CNBD1: variants seen among roughly 807,000 people sequenced by gnomAD.
CNBD1 encodes cyclic nucleotide binding domain containing 1.
In CNBD1, 71 loss-of-function variants were observed where a neutral mutation model predicts 54.4. The observed-to-expected ratio is 1.30, with a 90% CI of 1.08 to 1.59. The LOEUF (loss-of-function observed/expected upper bound fraction) is 1.59. Among genes scored for constraint, CNBD1 ranks in the 40% most tolerant of loss-of-function variants. The pLI, the probability that CNBD1 is intolerant of heterozygous loss-of-function variation, is 0.00. For synonymous variants in CNBD1, 182 were observed against 170.7 expected (o/e 1.07, Z -0.51); for missense variants, 659 against 518.0 (o/e 1.27, Z -2.64).
At chr8:87,095,158 G>A (rs1266352542) in intron 4 of CNBD1, among the ~76,000 whole-genome samples, 1 of 152,178 alleles carries the variant, frequency 6.6e-6, no homozygotes, top group African/African-American at 2.4e-5. Flanking sequence ...TTAAAGCAAG[G>A]TTAATTACGT....
intron 2 of CNBD1, among the ~76,000 whole-genome samples, chr8:87,419,127 A>G (rs563804296): frequency 8.0e-4 from 122 of 152,058 alleles, no homozygotes; most frequent in Admixed American, 3.1e-3. Flanking sequence ...ATAAAAATTA[A>G]TGAAGTACTG....
At chr8:87,225,474 C>CT (rs1299463927) in intron 5 of CNBD1, among the ~76,000 whole-genome samples, 59 of 150,632 alleles carry the variant, frequency 3.9e-4, no homozygotes, top group Admixed American at 1.5e-3. Context: ...TGTCAAAGGC[C>CT]TTTTCTGCAT....
At chr8:87,110,739 G>C (rs1257517038) in intron 4 of CNBD1, among the ~76,000 whole-genome samples, 1 of 152,220 alleles carries the variant, frequency 6.6e-6, no homozygotes, top group East Asian at 1.9e-4. Context: ...GTTCCTTTTA[G>C]ACTATCTTGT....
chr8:87,170,465 A>G (rs889702798), intron 4 of CNBD1, among the ~76,000 whole-genome samples: 2 of 152,168 alleles, frequency 1.3e-5, no homozygotes, highest in Non-Finnish European at 2.9e-5. Context: ...GTTGAAAAAC[A>G]GTGGTGAAAG....
intron 8 of CNBD1, among the ~76,000 whole-genome samples, chr8:87,303,413 C>G (rs1004249824): frequency 6.6e-6 from 1 of 151,702 alleles, no homozygotes; most frequent in Non-Finnish European, 1.5e-5. Context: ...ATAAATGGTG[C>G]TGGGAAAACT....
chr8:87,345,778 A>C (rs1196438759), intron 8 of CNBD1, among the ~76,000 whole-genome samples: 1 of 152,130 alleles, frequency 6.6e-6, no homozygotes, highest in Admixed American at 6.6e-5. Context: ...CACCAAAACT[A>C]GTTGTGATTT....
intron 4 of CNBD1, among the ~76,000 whole-genome samples, chr8:87,006,577 C>T (rs2462514): frequency 0.81 from 123,833 of 151,966 alleles, 50,730 homozygotes; most frequent in East Asian, 0.95. Flanking sequence ...TCCTCATGGT[C>T]AAAGCAGGAG....
intron 6 of CNBD1, among the ~76,000 whole-genome samples, chr8:87,255,992 TATATATATATATATATATATA>T (rs1373623444): frequency 3.0e-4 from 4 of 13,154 alleles, no homozygotes; most frequent in African/African-American, 1.4e-3. Context: ...TATATATATA[TATATATATATATATATATATA>T]TATTTTTTTT....
At chr8:87,428,390 G>A (rs1808086425) in intron 2 of CNBD1, among the ~76,000 whole-genome samples, 1 of 152,080 alleles carries the variant, frequency 6.6e-6, no homozygotes, top group African/African-American at 2.4e-5. Context: ...CTGGTTGTCT[G>A]AACTTAGAAG....
intron 4 of CNBD1, among the ~76,000 whole-genome samples, chr8:87,081,386 G>T (rs1449971174): frequency 6.6e-6 from 1 of 151,938 alleles, no homozygotes. Context: ...TGTTTTTTCA[G>T]AATTTTGTTT....
chr8:87,155,762 A>G (rs1037396256), intron 4 of CNBD1, among the ~76,000 whole-genome samples: 7 of 152,202 alleles, frequency 4.6e-5, no homozygotes, highest in Non-Finnish European at 1.0e-4. Flanking sequence ...CAGACATGGC[A>G]GTTGTTGATT....
intron 4 of CNBD1, among the ~76,000 whole-genome samples, chr8:87,008,525 T>C (rs1443391182): frequency 6.6e-6 from 1 of 152,212 alleles, no homozygotes; most frequent in Admixed American, 6.5e-5. Context: ...TGGGGTTTAC[T>C]TTTAATGCAT....
chr8:87,229,893 C>G (rs1457008479), intron 5 of CNBD1, among the ~76,000 whole-genome samples: 1 of 152,178 alleles, frequency 6.6e-6, no homozygotes, highest in South Asian at 2.1e-4. Context: ...TTTCTGAACT[C>G]TCTTACAAAT....
intron 6 of CNBD1, among the ~76,000 whole-genome samples, chr8:87,271,872 A>G (rs1481057602): frequency 6.6e-6 from 1 of 151,560 alleles, no homozygotes; most frequent in Non-Finnish European, 1.5e-5. Context: ...CCATCAATGG[A>G]TGAATGAATA....
chr8:87,107,745 T>C (rs1188581440), intron 4 of CNBD1, among the ~76,000 whole-genome samples: 2 of 152,216 alleles, frequency 1.3e-5, no homozygotes, highest in Non-Finnish European at 2.9e-5. Flanking sequence ...ATGTATGCTG[T>C]GGCATTAGCT....
intron 4 of CNBD1, among the ~76,000 whole-genome samples, chr8:87,202,066 A>G (rs1412296195): frequency 1.3e-5 from 2 of 152,252 alleles, no homozygotes; most frequent in African/African-American, 4.8e-5. Flanking sequence ...AGGCAAATAT[A>G]TAAGCCAAGA....
intron 3 of CNBD1, among the ~76,000 whole-genome samples, chr8:86,926,289 G>T (rs887774575): frequency 6.6e-6 from 1 of 152,094 alleles, no homozygotes; most frequent in Non-Finnish European, 1.5e-5. Flanking sequence ...TGAAGAAGGG[G>T]CCCTGCAGTT....
chr8:86,871,783 C>A (rs1696526034), intron 1 of CNBD1, among the ~76,000 whole-genome samples: 1 of 152,178 alleles, frequency 6.6e-6, no homozygotes, highest in South Asian at 2.1e-4. Flanking sequence ...CCCCAGATGC[C>A]TAGGCTGCAT....
intron 3 of CNBD1, among the ~76,000 whole-genome samples, chr8:86,920,899 C>T (rs1363066770): frequency 6.6e-6 from 1 of 151,738 alleles, no homozygotes; most frequent in Non-Finnish European, 1.5e-5. Context: ...TTCCCAAACA[C>T]ATTTTAAGAC....
Sources: allele counts gnomAD v4.1 joint callset (sites outside exome capture counted in the v4.1 genomes callset), GRCh38; gene constraint gnomAD v4.1.1; transcripts MANE v1.5; gene names NCBI Gene and HGNC (gene_info 2026-07-23, HGNC 2026-07-21).